Variants in SEMA6D observed in about 807,000 individuals in gnomAD.
SEMA6D encodes semaphorin-6D.
SEMA6D carries 35 observed loss-of-function variants against 106.6 expected under a neutral mutation model. The ratio of observed to expected loss-of-function variants is 0.33; its 90% CI spans 0.25 to 0.44. SEMA6D has a LOEUF of 0.44. Ranked by LOEUF, SEMA6D falls within the 20% of genes least tolerant of loss-of-function variation. The pLI is 1.00. For synonymous variants in SEMA6D, 499 were observed against 487.7 expected, an observed-to-expected ratio of 1.02 and a Z score of -0.31; for missense variants, 1,185 against 1,345.9, an observed-to-expected ratio of 0.88 and a Z score of 1.87.
At chr15:47,686,719 C>T (rs1424478702) in intron 4 of SEMA6D, among the ~76,000 whole-genome samples, 1 of 152,072 alleles carries the variant, frequency 6.6e-6, no homozygotes, top group Non-Finnish European at 1.5e-5. Context: ...TGTCAAATTC[C>T]TTGAATGAAC....
At chr15:47,435,855 T>C (rs1487804867) in intron 2 of SEMA6D, among the ~76,000 whole-genome samples, 1 of 152,114 alleles carries the variant, frequency 6.6e-6, no homozygotes, top group Non-Finnish European at 1.5e-5. Flanking sequence ...AAAGGACAAG[T>C]GCTTGTCAAA....
intron 1 of SEMA6D, among the ~76,000 whole-genome samples, chr15:47,231,477 C>T (rs1035152606): frequency 1.8e-4 from 27 of 152,042 alleles, no homozygotes; most frequent in Middle Eastern, 3.4e-3. Flanking sequence ...TATGCATTAC[C>T]TTCACTAAAA....
chr15:47,187,409 T>C (rs1055139875), intron 1 of SEMA6D, among the ~76,000 whole-genome samples: 4 of 152,344 alleles, frequency 2.6e-5, no homozygotes, highest in Middle Eastern at 3.4e-3. Flanking sequence ...TATTAAAACA[T>C]TGAAATCTCA....
At chr15:47,318,732 G>GTA in intron 1 of SEMA6D, among the ~76,000 whole-genome samples, 1 of 131,200 alleles carries the variant, frequency 7.6e-6, no homozygotes, top group South Asian at 2.8e-4. Flanking sequence ...AAACATACAT[G>GTA]TGCATGTGTC....
intron 1 of SEMA6D, among the ~76,000 whole-genome samples, chr15:47,303,307 G>T (rs2036096710): frequency 6.6e-6 from 1 of 152,170 alleles, no homozygotes; most frequent in Non-Finnish European, 1.5e-5. Context: ...AGGTGTTGGT[G>T]CCTGTATGGC....
intron 1 of SEMA6D, among the ~76,000 whole-genome samples, chr15:47,363,826 T>C (rs1190887445): frequency 6.6e-6 from 1 of 152,160 alleles, no homozygotes; most frequent in Non-Finnish European, 1.5e-5. Flanking sequence ...CTGCATGGCT[T>C]GGGAGGCCTC....
At position 47,494,759 on chromosome 15, in the gene SEMA6D, T is replaced by G. The variant is rs1416716090; in HGVS notation, c.-87+24214T>G. On this transcript the variant is annotated intron_variant, in intron 3 of 19. Transcript: ENST00000558014. ...GGATGGAGATATATATATATATATA[T>G]ATATATATATATATATATATATATA... Among the ~76,000 whole-genome samples, 683 of 81,964 alleles carry G rather than the reference T, an allele frequency of 8.3e-3. 25 individuals carry two copies. The highest frequency in any genetic ancestry group is 0.038 in the African/African-American group (657 of 17,092). 53.8% of individuals were successfully genotyped at this position (81,964 alleles called of 152,430 possible). A position where few individuals can be genotyped will look rare whatever the true frequency, so the allele number is the denominator to read the frequency against.
At chr15:47,662,936 A>T (rs1328045327) in intron 4 of SEMA6D, among the ~76,000 whole-genome samples, 3 of 151,966 alleles carry the variant, frequency 2.0e-5, no homozygotes, top group East Asian at 1.9e-4. Context: ...CAAATCAAGG[A>T]TGTGTATTTT....
Position 47,761,021 on chromosome 15 carries a change from G to A in SEMA6D, c.265G>A (p.Glu89Lys). Residue 89 changes from glutamate to lysine, a missense_variant, in exon 4 of 19, where the codon GAA becomes AAA. By Grantham distance (56) the Glu-to-Lys change is moderately conservative (BLOSUM62 1). Around this residue, in one of 3 missense-constraint regions of SEMA6D, gnomAD observed 144 missense variants for 138.6 expected, o/e 1.04. Transcript: ENST00000536845. Reference sequence around the variant, plus strand: ...AAACTTAAATGAAATGCCCAAAACAGAAGTAATACCCAACAAGGTGAGCAA... The same window carrying A: ...AAACTTAAATGAAATGCCCAAAACAAAAGTAATACCCAACAAGGTGAGCAA... ...TVNLNEMPKT[E>K]VIPNKKLTWR... 4.3e-6 allele frequency: 7 copies of A among 1,613,542 alleles called. No individual in the cohort carries two copies. The highest frequency in any genetic ancestry group is 5.1e-6 in the Non-Finnish European group (6 of 1,179,694).
chr15:47,410,720 T>C (rs1251293488), intron 1 of SEMA6D, among the ~76,000 whole-genome samples: 3 of 152,084 alleles, frequency 2.0e-5, no homozygotes, highest in African/African-American at 7.2e-5. Context: ...ATTCAGAATC[T>C]TTAGGAAGTA....
chr15:47,608,861 G>A (rs1246380833), intron 4 of SEMA6D, among the ~76,000 whole-genome samples: 4 of 151,874 alleles, frequency 2.6e-5, no homozygotes, highest in Non-Finnish European at 5.9e-5. Flanking sequence ...GTAATCTCCA[G>A]TAATTTCCTA....
At chr15:47,658,226 A>G (rs1465621554) in intron 4 of SEMA6D, among the ~76,000 whole-genome samples, 1 of 152,148 alleles carries the variant, frequency 6.6e-6, no homozygotes, top group African/African-American at 2.4e-5. Context: ...ACCTCTTAAT[A>G]ATTTCTTACA....
At chr15:47,408,623 T>TA (rs1195351479) in intron 1 of SEMA6D, among the ~76,000 whole-genome samples, 1 of 152,106 alleles carries the variant, frequency 6.6e-6, no homozygotes, top group Non-Finnish European at 1.5e-5. Flanking sequence ...ACAGAGAGAT[T>TA]AAAAAGGGGG....
chr15:47,460,004 C>T (rs942814733), intron 2 of SEMA6D, among the ~76,000 whole-genome samples: 4 of 151,948 alleles, frequency 2.6e-5, no homozygotes, highest in Non-Finnish European at 5.9e-5. Flanking sequence ...TTCAAATCCC[C>T]AAGTCAGGGA....
At chr15:47,319,958 C>G (rs545755198) in intron 1 of SEMA6D, among the ~76,000 whole-genome samples, 2 of 152,166 alleles carry the variant, frequency 1.3e-5, no homozygotes, top group South Asian at 2.1e-4. Flanking sequence ...AGGGCACTTT[C>G]CACCTGTGAG....
chr15:47,420,294 CTG>C, intron 2 of SEMA6D, among the ~76,000 whole-genome samples: 1 of 152,234 alleles, frequency 6.6e-6, no homozygotes, highest in East Asian at 1.9e-4. Flanking sequence ...TACAGACTAA[CTG>C]TGAAACTGAT....
chr15:47,599,894 T>G (rs140069200), intron 3 of SEMA6D, among the ~76,000 whole-genome samples: 1 of 152,202 alleles, frequency 6.6e-6, no homozygotes, highest in East Asian at 1.9e-4. Flanking sequence ...GCTAAATACT[T>G]TCTTTTTTTA....
At chr15:47,609,571 G>C (rs1456746038) in intron 4 of SEMA6D, among the ~76,000 whole-genome samples, 3 of 152,136 alleles carry the variant, frequency 2.0e-5, no homozygotes, top group Admixed American at 6.5e-5. Context: ...TGACCCCAAA[G>C]GAGGCCTTTG....
At position 47,250,556 on chromosome 15, in the gene SEMA6D, T is replaced by C. The variant is rs531458335; in HGVS notation, c.-239+66138T>C. On this transcript the variant is annotated intron_variant, in intron 1 of 19. Transcript: ENST00000558014. The stretch of plus-strand genomic sequence containing the variant: ...ATTATGTATATTTGTTTAAAAACTT[T>C]CTTTACGTAATTTTTCAAACATTTG... Among the ~76,000 whole-genome samples, 9 of 110,264 alleles carry C rather than the reference T, an allele frequency of 8.2e-5. No individual in the cohort carries two copies. The South Asian group carries it at 4.0e-3, about 49-fold the overall frequency. 72.3% of individuals were successfully genotyped at this position (110,264 alleles called of 152,430 possible). A position where few individuals can be genotyped will look rare whatever the true frequency, so the allele number is the denominator to read the frequency against.
Sources: gnomAD v4.1 joint callset for allele counts (sites outside exome capture counted in the v4.1 genomes callset) on GRCh38, gnomAD v4.1.1 for gene constraint, gnomAD v4.1.1 regional missense constraint, MANE v1.5 for transcripts, NCBI Gene and HGNC (gene_info 2026-07-23, HGNC 2026-07-21) for gene names.